FBXO28: variants seen among roughly 807,000 people sequenced by gnomAD.
FBXO28 encodes the protein F-box only protein 28.
In FBXO28, 8 loss-of-function variants were observed where a neutral mutation model predicts 38.1. The observed-to-expected ratio is 0.21, with a 90% confidence interval of 0.12 to 0.38. The LOEUF (loss-of-function observed/expected upper bound fraction) is 0.38. Ranked by LOEUF, FBXO28 falls within the 10% of genes least tolerant of loss-of-function variation. The pLI, the probability that FBXO28 is intolerant of heterozygous loss-of-function variation, is 1.00. For synonymous variants in FBXO28, 168 were observed against 173.8 expected, an observed-to-expected ratio of 0.97 and a Z score of 0.26; for missense variants, 345 against 460.6, an observed-to-expected ratio of 0.75 and a Z score of 2.30.
At chr1:224,129,300 A>G (rs894550118) in intron 1 of FBXO28, among the ~76,000 whole-genome samples, 2 of 152,180 alleles carry the variant, frequency 1.3e-5, no homozygotes, top group Non-Finnish European at 2.9e-5. Context: ...AGATCACACC[A>G]TTGCACTATA....
chr1:224,137,635 G>A (rs1041381014), intron 3 of FBXO28, among the ~76,000 whole-genome samples: 22 of 151,876 alleles, frequency 1.4e-4, no homozygotes, highest in African/African-American at 5.1e-4. Flanking sequence ...GAAACAAATG[G>A]TAACTGATTT....
At chr1:224,143,718 C>A (rs1291502630) in intron 3 of FBXO28, among the ~76,000 whole-genome samples, 1 of 152,004 alleles carries the variant, frequency 6.6e-6, no homozygotes, top group Non-Finnish European at 1.5e-5. Context: ...CACCTGTAGT[C>A]CCAGCTACTT....
Position 224,130,568 on chromosome 1 carries a change from G to A in FBXO28, c.364G>A (p.Ala122Thr), listed in dbSNP as rs1370439944. ...TAATCTATGTCAGAAACAAGTTAAA[G>A]CACAACTCCCAAGGTATGTTGTGGG... ...YHNLCQKQVK[A>T]QLPRRESERR... Residue 122 changes from alanine (A) to threonine (T), a missense_variant, in exon 2 of 5, where the codon GCA becomes ACA. By Grantham distance (58) the Ala-to-Thr change is moderately conservative. This residue lies in a region of FBXO28 where 56 missense variants were observed against 99.8 expected (regional missense o/e 0.56). Coordinates refer to ENST00000366862, the MANE Select transcript of FBXO28 (RefSeq NM_015176.4). The A allele has an allele frequency of 4.3e-6, 7 of 1,610,588 alleles. No homozygotes were observed. The highest frequency in any genetic ancestry group is 5.9e-6 in the Non-Finnish European group (7 of 1,176,856).
chr1:224,152,925 C>CAAAAAAAAAA (rs57616453), intron 3 of FBXO28, among the ~76,000 whole-genome samples: 3 of 64,908 alleles, frequency 4.6e-5, no homozygotes, highest in African/African-American at 1.9e-4. Context: ...AACTCTGTCT[C>CAAAAAAAAAA]AAAAAAAAAA....
chr1:224,116,231 A>G (rs769303762), intron 1 of FBXO28, among the ~76,000 whole-genome samples: 14 of 152,148 alleles, frequency 9.2e-5, no homozygotes, highest in Non-Finnish European at 1.6e-4. Context: ...GATTAAATGG[A>G]TAATCCTTTG....
intron 1 of FBXO28, among the ~76,000 whole-genome samples, chr1:224,126,078 A>C (rs377001317): frequency 6.6e-6 from 1 of 152,158 alleles, no homozygotes; most frequent in African/African-American, 2.4e-5. Context: ...GTGCCTTTGC[A>C]TACACCATTA....
In FBXO28 at chr1:224,159,246, C is replaced by T. The variant is rs1245537744; in HGVS notation, c.*1500C>T. 6.6e-6 allele frequency: 1 copy of T among 152,404 alleles called. No individual in the cohort carries two copies. Among genetic ancestry groups the T allele is most frequent in the Non-Finnish European group, 1.5e-5 (1 of 68,004 alleles). The allele number at this position is 152,404 out of a possible 1,614,324, so 9.4% of individuals were successfully genotyped here. A position where few individuals can be genotyped will look rare whatever the true frequency, so the allele number is the denominator to read the frequency against. The stretch of plus-strand genomic sequence containing the variant: ...GTGGGAGCTTAACACCTGTATAAAA[C>T]CTAAGGTTTTGGTAAGTACCTTAGT... On this transcript the variant is annotated 3_prime_UTR_variant, in exon 5 of 5. Coordinates refer to ENST00000366862, the MANE Select transcript of FBXO28 (RefSeq NM_015176.4).
chr1:224,117,132 G>A lies in FBXO28; in HGVS notation c.267+2736G>A, dbSNP rs946093822. On this transcript the variant is annotated intron_variant, in intron 1 of 4. Transcript: ENST00000366862. ...GGGTTGCACAACGTGAGCCGAGATC[G>A]CCGTCTCAAAAATAAAAATAAAAAT... is the stretch of plus-strand genomic sequence containing the variant. Among the ~76,000 whole-genome samples the A allele has an allele frequency of 6.0e-5, 9 of 151,218 alleles. No homozygotes were observed. The South Asian group carries it at 1.9e-3, about 31-fold the overall frequency.
chr1:224,148,369 G>A (rs7531983), intron 3 of FBXO28, among the ~76,000 whole-genome samples: 2,126 of 152,170 alleles, frequency 0.014, 55 homozygotes, highest in African/African-American at 0.048. Context: ...GTTAAGAAAC[G>A]GCCAGGCACG....
chr1:224,130,799 A>G, intron 2 of FBXO28: 1 of 439,100 alleles, frequency 2.3e-6, no homozygotes. Flanking sequence ...AAGAAAATGA[A>G]ATACAAGGCA....
intron 1 of FBXO28, among the ~76,000 whole-genome samples, chr1:224,114,738 C>T (rs1432124660): frequency 6.6e-6 from 1 of 152,192 alleles, no homozygotes; most frequent in Non-Finnish European, 1.5e-5. Flanking sequence ...GAGGTCATGT[C>T]GCCTGCCTTT....
chr1:224,122,946 A>G (rs1656812034), intron 1 of FBXO28, among the ~76,000 whole-genome samples: 1 of 152,190 alleles, frequency 6.6e-6, no homozygotes, highest in Non-Finnish European at 1.5e-5. Context: ...ATTTCAGGTT[A>G]TATAGCTGTG....
chr1:224,123,115 C>T (rs967682118), intron 1 of FBXO28, among the ~76,000 whole-genome samples: 1 of 151,916 alleles, frequency 6.6e-6, no homozygotes, highest in Non-Finnish European at 1.5e-5. Context: ...TCTTTAAGTT[C>T]CTTTCAGTTC....
Position 224,160,581 on chromosome 1 carries a change from A to G in FBXO28, c.*2835A>G, listed in dbSNP as rs1213468411. The stretch of plus-strand genomic sequence containing the variant: ...ACTGGTTTTCACAGATTCTGAGGTT[A>G]TAGAACCTGTTGTTTTTCAAACTCC... On this transcript the variant is annotated 3_prime_UTR_variant, in exon 5 of 5. Coordinates refer to ENST00000366862, the MANE Select transcript of FBXO28 (RefSeq NM_015176.4). 1 of 152,210 alleles carries G rather than the reference A, an allele frequency of 6.6e-6. No homozygotes were observed. Among genetic ancestry groups the G allele is most frequent in the Non-Finnish European group, 1.5e-5 (1 of 68,044 alleles). 9.4% of individuals were successfully genotyped at this position (152,210 alleles called of 1,614,324 possible).
chr1:224,122,294 T>C (rs6659234), intron 1 of FBXO28, among the ~76,000 whole-genome samples: 62,336 of 152,014 alleles, frequency 0.41, 12,985 homozygotes, highest in East Asian at 0.57. Context: ...ACTTTTGTGC[T>C]CATTTTCTCT....
At chr1:224,150,458 A>G (rs1329029243) in intron 3 of FBXO28, among the ~76,000 whole-genome samples, 1 of 151,700 alleles carries the variant, frequency 6.6e-6, no homozygotes, top group Admixed American at 6.6e-5. Context: ...GACCCTTTAA[A>G]TACTGATTTT....
At chr1:224,120,559 T>C (rs961066945) in intron 1 of FBXO28, among the ~76,000 whole-genome samples, 12 of 152,094 alleles carry the variant, frequency 7.9e-5, no homozygotes, top group African/African-American at 2.9e-4. Context: ...GAATAAACAA[T>C]AGAAAATATA....
rs199693010 is a variant in FBXO28 at position 224,141,891 on chromosome 1, A to ATTTT, written c.516+7691_516+7694dup. The stretch of plus-strand genomic sequence containing the variant: ...AACACTGCATACTGAGGCTACATTA[A>ATTTT]TTTTTTTTTTTTTTTGATACTGGGT... On this transcript the variant is annotated intron_variant, in intron 3 of 4. Coordinates refer to ENST00000366862, the MANE Select transcript of FBXO28 (RefSeq NM_015176.4). Among the ~76,000 whole-genome samples the ATTTT allele has an allele frequency of 1.3e-3, 190 of 145,498 alleles. 1 individual carries two copies. Among genetic ancestry groups the ATTTT allele is most frequent in the African/African-American group, 4.6e-3 (183 of 39,400 alleles).
chr1:224,134,109 G>A lies in FBXO28; in HGVS notation c.413G>A (p.Arg138His), dbSNP rs1558190669. Residue 138 changes from arginine (R) to histidine (H), a missense_variant, in exon 3 of 5, where the codon CGT becomes CAT. By Grantham distance (29) the Arg-to-His change is conservative. Transcript: ENST00000366862. ...ESERRNHSLA[R>H]HADILAAVET... is the part of the protein sequence containing the mutation. ...GAAAGGAGAAACCATTCATTAGCTC[G>A]TCATGCAGACATTCTTGCTGCTGTT... The A allele has an allele frequency of 2.5e-6, 4 of 1,602,992 alleles. No homozygotes were observed. Among genetic ancestry groups the A allele is most frequent in the Non-Finnish European group, 2.6e-6 (3 of 1,174,924 alleles).
Sources: gnomAD v4.1 joint callset for allele counts (sites outside exome capture counted in the v4.1 genomes callset) on GRCh38, gnomAD v4.1.1 for gene constraint, gnomAD v4.1.1 regional missense constraint, MANE v1.5 for transcripts, NCBI Gene and HGNC (gene_info 2026-07-23, HGNC 2026-07-21) for gene names.